Variants in APBA1 observed in about 807,000 individuals in gnomAD.
The protein encoded by APBA1 is amyloid beta precursor protein binding family A member 1, also known as amyloid-beta A4 precursor protein-binding family A member 1.
APBA1 carries 55 observed loss-of-function variants against 86.6 expected under a neutral mutation model. The ratio of observed to expected loss-of-function variants is 0.64; its 90% CI spans 0.51 to 0.80. The LOEUF (loss-of-function observed/expected upper bound fraction) is 0.80, where lower values mean the gene tolerates loss of function less well. APBA1 is among the 30% of genes least tolerant of loss of function. APBA1 has a pLI of 0.00. For synonymous variants in APBA1, 511 were observed against 493.9 expected (o/e 1.03, Z -0.46); for missense variants, 1,090 against 1,183.0 (o/e 0.92, Z 1.15).
rs1192513643 is a variant in APBA1 at position 69,430,725 on chromosome 9, G to C, written c.*602C>G. Reference sequence around the variant, plus strand: ...TTCCCCTTTTATCCTGGGGTGAGAAGGCTCGTATTAGAAAACACACATACG... The same window carrying C: ...TTCCCCTTTTATCCTGGGGTGAGAACGCTCGTATTAGAAAACACACATACG... On this transcript the variant is annotated 3_prime_UTR_variant, in exon 13 of 13. Transcript: ENST00000265381. 5 of 152,508 alleles carry C rather than the reference G, an allele frequency of 3.3e-5. No individual in the cohort carries two copies. The East Asian group carries it at 9.7e-4, about 30-fold the overall frequency. The allele number at this position is 152,508 out of a possible 1,614,324, so 9.4% of individuals were successfully genotyped here.
At chr9:69,436,669 T>C (rs1160498687) in intron 11 of APBA1, among the ~76,000 whole-genome samples, 1 of 151,244 alleles carries the variant, frequency 6.6e-6, no homozygotes, top group Non-Finnish European at 1.5e-5. Context: ...CTTAAGGAGA[T>C]TTTGGGCTGA....
chr9:69,457,601 G>A (rs1835119892), intron 6 of APBA1, among the ~76,000 whole-genome samples: 1 of 152,018 alleles, frequency 6.6e-6, no homozygotes, highest in South Asian at 2.1e-4. Flanking sequence ...TGGTAAGAGG[G>A]TCTTTATGTT....
chr9:69,668,166 G>A (rs1231592937), intron 1 of APBA1, among the ~76,000 whole-genome samples: 4 of 152,074 alleles, frequency 2.6e-5, no homozygotes, highest in East Asian at 3.9e-4. Flanking sequence ...TATGAAAATC[G>A]CTCCTAAGCA....
intron 2 of APBA1, among the ~76,000 whole-genome samples, chr9:69,488,659 G>A (rs1009136946): frequency 4.6e-5 from 7 of 152,136 alleles, no homozygotes; most frequent in Admixed American, 2.6e-4. Flanking sequence ...AAGGGGTGGA[G>A]AGGCCACCTA....
intron 1 of APBA1, among the ~76,000 whole-genome samples, chr9:69,630,861 G>A (rs1823028702): frequency 6.6e-6 from 1 of 152,196 alleles, no homozygotes; most frequent in African/African-American, 2.4e-5. Flanking sequence ...CAGCCCTGAT[G>A]GCCTTGGCCC....
At chr9:69,671,576 C>A (rs1303402662) in intron 1 of APBA1, among the ~76,000 whole-genome samples, 1 of 152,188 alleles carries the variant, frequency 6.6e-6, no homozygotes, top group East Asian at 1.9e-4. Context: ...CGGCAGATCT[C>A]TGGATTTGGG....
In APBA1 at chr9:69,432,655, C is replaced by T. The variant is rs1330926261; in HGVS notation, c.2323G>A (p.Gly775Arg). The part of the protein sequence containing the change: ...NGIICSLMRG[G>R]IAERGGVRVG... ...CGGACGCCTCCTCTCTCAGCTATTC[C>T]CCCTCGCATGAGGCTGCAGATCTGC... Residue 775 changes from glycine to arginine, a missense_variant, in exon 12 of 13, where the codon GGA becomes AGA. Transcript: ENST00000265381. The T allele has an allele frequency of 6.3e-7, 1 of 1,595,666 alleles. No homozygotes were observed. The highest frequency in any genetic ancestry group is 1.1e-5 in the South Asian group (1 of 88,298).
chr9:69,533,817 A>G, intron 1 of APBA1, among the ~76,000 whole-genome samples: 1 of 152,220 alleles, frequency 6.6e-6, no homozygotes, highest in East Asian at 1.9e-4. Context: ...AAAGCCCAAC[A>G]AGTTCTATAT....
chr9:69,604,003 G>T (rs1468886383), intron 1 of APBA1, among the ~76,000 whole-genome samples: 1 of 152,236 alleles, frequency 6.6e-6, no homozygotes, highest in African/African-American at 2.4e-5. Flanking sequence ...TATGATTGTT[G>T]TTTAATATTC....
intron 12 of APBA1, 126 bp from the exon 13 acceptor site, chr9:69,431,524 C>A: frequency 1.4e-6 from 1 of 732,548 alleles, no homozygotes. Flanking sequence ...TCCCTACCGC[C>A]CAGCCACCAC....
At chr9:69,566,567 G>T (rs1035587943) in intron 1 of APBA1, among the ~76,000 whole-genome samples, 11 of 152,084 alleles carry the variant, frequency 7.2e-5, no homozygotes, top group Non-Finnish European at 1.5e-4. Context: ...CAATGATTTC[G>T]CATCTCAGAA....
Position 69,516,316 on chromosome 9 carries a change from C to T in APBA1, c.895G>A (p.Asp299Asn). The T allele has an allele frequency of 6.3e-7, 1 of 1,589,226 alleles. No homozygotes were observed. Residue 299 changes from aspartate to asparagine, a missense_variant, in exon 2 of 13, where the codon GAC (aspartate) becomes AAC (asparagine). By Grantham distance (23) the Asp-to-Asn change is conservative (BLOSUM62 1). Transcript: ENST00000265381. This position sits in a 1 kb window ranked among gnomAD's most constrained non-coding sequence, Gnocchi z 7.3. ...AAEDMPEAEQ[D>N]LERPPTPAGG... ...GCCGGGGTAGGGGGACGCTCCAGGTCCTGCTCGGCCTCAGGCATGTCCTCG... is the reference window on the plus strand; with the variant it reads ...GCCGGGGTAGGGGGACGCTCCAGGTTCTGCTCGGCCTCAGGCATGTCCTCG...
At chr9:69,500,717 C>T (rs1260572378) in intron 2 of APBA1, among the ~76,000 whole-genome samples, 1 of 151,980 alleles carries the variant, frequency 6.6e-6, no homozygotes, top group Non-Finnish European at 1.5e-5. Flanking sequence ...TTATTAACAC[C>T]CGTGCCAAGA....
intron 1 of APBA1, among the ~76,000 whole-genome samples, chr9:69,582,355 C>T (rs62569728): frequency 4.5e-4 from 68 of 152,280 alleles, no homozygotes; most frequent in Middle Eastern, 3.4e-3. Flanking sequence ...CACTTTCCTA[C>T]CTGCTTCTAC....
At chr9:69,577,013 A>C (rs1756954595) in intron 1 of APBA1, among the ~76,000 whole-genome samples, 1 of 152,158 alleles carries the variant, frequency 6.6e-6, no homozygotes, top group South Asian at 2.1e-4. Flanking sequence ...AATTGACAAT[A>C]GTTGCACATA....
chr9:69,640,490 C>T (rs1287347740), intron 1 of APBA1, among the ~76,000 whole-genome samples: 1 of 151,718 alleles, frequency 6.6e-6, no homozygotes, highest in African/African-American at 2.4e-5. Flanking sequence ...AATAATATTA[C>T]AGAGTCAACA....
intron 1 of APBA1, 73 bp from the exon 2 acceptor site, chr9:69,517,352 A>G: frequency 1.5e-6 from 2 of 1,311,200 alleles, no homozygotes; most frequent in Non-Finnish European, 1.9e-6. Context: ...TCAGATAACC[A>G]TAAAAACAAC....
chr9:69,518,209 G>T (rs539872211), intron 1 of APBA1, among the ~76,000 whole-genome samples: 1 of 152,140 alleles, frequency 6.6e-6, no homozygotes, highest in African/African-American at 2.4e-5. Flanking sequence ...CATTTATATT[G>T]TATTAGGTAT....
intron 1 of APBA1, among the ~76,000 whole-genome samples, chr9:69,643,318 C>T (rs1202668715): frequency 6.6e-6 from 1 of 152,142 alleles, no homozygotes; most frequent in African/African-American, 2.4e-5. Flanking sequence ...TTTTCCACAC[C>T]TCTCTCCTGG....
Sources: gnomAD v4.1 joint callset for allele counts (sites outside exome capture counted in the v4.1 genomes callset) on GRCh38, gnomAD v4.1.1 for gene constraint, Gnocchi (gnomAD v3.1) non-coding constraint, MANE v1.5 for transcripts, NCBI Gene and HGNC (gene_info 2026-07-23, HGNC 2026-07-21) for gene names.